PPP2R3A: variants seen among roughly 807,000 people sequenced by gnomAD.
PPP2R3A encodes the protein serine/threonine-protein phosphatase 2A regulatory subunit B'' subunit alpha.
Under a neutral mutation model 106.9 loss-of-function variants are expected in PPP2R3A, and 80 were observed. That is an observed-to-expected ratio of 0.75 (90% CI 0.62 to 0.90). PPP2R3A has a LOEUF of 0.90. Ranked by LOEUF, PPP2R3A falls within the 40% of genes least tolerant of loss-of-function variation. The pLI, the probability that PPP2R3A is intolerant of heterozygous loss-of-function variation, is 0.00. For synonymous variants in PPP2R3A, 483 were observed against 468.3 expected, an observed-to-expected ratio of 1.03 and a Z score of -0.41; for missense variants, 1,386 against 1,350.4, an observed-to-expected ratio of 1.03 and a Z score of -0.41.
intron 10 of PPP2R3A, among the ~76,000 whole-genome samples, chr3:136,093,211 C>T (rs1937135082): frequency 6.6e-6 from 1 of 152,160 alleles, no homozygotes; most frequent in Non-Finnish European, 1.5e-5. Flanking sequence ...GAATTCAATA[C>T]CAGCCTGGGC....
At chr3:136,067,686 A>T (rs1936302139) in intron 5 of PPP2R3A, among the ~76,000 whole-genome samples, 1 of 152,230 alleles carries the variant, frequency 6.6e-6, no homozygotes, top group African/African-American at 2.4e-5. Flanking sequence ...GCTGAACAAT[A>T]TATGGAATCA....
intron 13 of PPP2R3A, among the ~76,000 whole-genome samples, chr3:136,115,479 T>C (rs746711428): frequency 2.0e-4 from 31 of 151,896 alleles, no homozygotes; most frequent in Admixed American, 7.9e-4. Flanking sequence ...TCTAACCCAA[T>C]GCAAGGAAGC....
chr3:136,065,543 G>T (rs777814816), intron 5 of PPP2R3A, among the ~76,000 whole-genome samples: 7 of 152,074 alleles, frequency 4.6e-5, no homozygotes, highest in Non-Finnish European at 1.0e-4. Flanking sequence ...TCCCAGTAAT[G>T]ATCAGAAATT....
chr3:135,998,950 T>C (rs1398631843), intron 1 of PPP2R3A, among the ~76,000 whole-genome samples: 1 of 152,210 alleles, frequency 6.6e-6, no homozygotes, highest in Non-Finnish European at 1.5e-5. Context: ...TGCTTGTGAA[T>C]ATTGTCCAGC....
At chr3:136,057,552 T>C (rs575491683) in intron 5 of PPP2R3A, among the ~76,000 whole-genome samples, 1 of 152,140 alleles carries the variant, frequency 6.6e-6, no homozygotes, top group Non-Finnish European at 1.5e-5. Flanking sequence ...AATATAAATG[T>C]ATTTATTACC....
intron 13 of PPP2R3A, among the ~76,000 whole-genome samples, chr3:136,140,929 A>T (rs1938847472): frequency 6.6e-6 from 1 of 152,188 alleles, no homozygotes; most frequent in Admixed American, 6.5e-5. Context: ...TGAATGAATG[A>T]TCATGAATGA....
At chr3:136,087,836 A>C in intron 8 of PPP2R3A, 47 bp from the exon 9 acceptor site, 1 of 1,473,256 alleles carries the variant, frequency 6.8e-7, no homozygotes, top group African/African-American at 1.4e-5. Flanking sequence ...GCCTTTATGG[A>C]GCATGTTTCT....
At chr3:136,016,663 A>G (rs1321730817) in intron 2 of PPP2R3A, among the ~76,000 whole-genome samples, 1 of 152,000 alleles carries the variant, frequency 6.6e-6, no homozygotes, top group African/African-American at 2.4e-5. Flanking sequence ...ATTTGCATGG[A>G]TTATCTTTTT....
At chr3:136,093,705 C>A (rs1293478307) in intron 10 of PPP2R3A, among the ~76,000 whole-genome samples, 2 of 152,118 alleles carry the variant, frequency 1.3e-5, no homozygotes, top group Non-Finnish European at 2.9e-5. Flanking sequence ...CAATGAGATA[C>A]CACTTCACAC....
At chr3:136,063,098 G>A (rs7628848) in intron 5 of PPP2R3A, among the ~76,000 whole-genome samples, 31,419 of 152,084 alleles carry the variant, frequency 0.21, 3,554 homozygotes, top group Non-Finnish European at 0.24. Flanking sequence ...ATAGAACAGA[G>A]CCCTCAGAAA....
At chr3:136,080,593 A>G (rs1936751943) in intron 7 of PPP2R3A, among the ~76,000 whole-genome samples, 1 of 152,240 alleles carries the variant, frequency 6.6e-6, no homozygotes, top group African/African-American at 2.4e-5. Context: ...ATCAAAGGAC[A>G]TTTTATAAAA....
intron 13 of PPP2R3A, among the ~76,000 whole-genome samples, chr3:136,109,479 T>G (rs1359400017): frequency 6.6e-6 from 1 of 152,196 alleles, no homozygotes; most frequent in Non-Finnish European, 1.5e-5. Flanking sequence ...AAAACTGTCT[T>G]GATAACATCA....
In PPP2R3A at chr3:136,146,536, T is replaced by C. The variant is rs1436053354; in HGVS notation, c.*1370T>C. The C allele has an allele frequency of 6.6e-6, 1 of 152,146 alleles. No individual in the cohort carries two copies. Among genetic ancestry groups the C allele is most frequent in the African/African-American group, 2.4e-5 (1 of 41,426 alleles). 9.4% of individuals were successfully genotyped at this position (152,146 alleles called of 1,614,324 possible). A position where few individuals can be genotyped will look rare whatever the true frequency, so the allele number is the denominator to read the frequency against. On this transcript the variant is annotated 3_prime_UTR_variant, in exon 14 of 14. Coordinates refer to ENST00000264977, the MANE Select transcript of PPP2R3A (RefSeq NM_002718.5). ...AAAAGGAGAATTTAGGAAATAAATA[T>C]GCTATAAACAAGGTACAGTACAGTG...
At chr3:136,129,343 C>A (rs376725021) in intron 13 of PPP2R3A, among the ~76,000 whole-genome samples, 12 of 151,914 alleles carry the variant, frequency 7.9e-5, no homozygotes, top group Non-Finnish European at 1.3e-4. Flanking sequence ...ATATCACCAC[C>A]GATCCCACAG....
intron 1 of PPP2R3A, among the ~76,000 whole-genome samples, chr3:135,992,021 A>T (rs1288281871): frequency 6.6e-6 from 1 of 152,170 alleles, no homozygotes; most frequent in Non-Finnish European, 1.5e-5. Flanking sequence ...TCTATAAGAG[A>T]TGTTGTATTT....
At chr3:136,127,816 T>C (rs372086170) in intron 13 of PPP2R3A, among the ~76,000 whole-genome samples, 6 of 152,238 alleles carry the variant, frequency 3.9e-5, no homozygotes, top group Admixed American at 2.0e-4. Context: ...GCAGATCTCT[T>C]GGCAGAAACA....
At chr3:136,077,894 C>T (rs572805691) in intron 6 of PPP2R3A, among the ~76,000 whole-genome samples, 4 of 152,084 alleles carry the variant, frequency 2.6e-5, no homozygotes, top group East Asian at 1.9e-4. Flanking sequence ...TCTAGAAGAC[C>T]GAGAGTCTTC....
At chr3:136,056,383 G>T (rs1212980021) in intron 5 of PPP2R3A, among the ~76,000 whole-genome samples, 1 of 152,114 alleles carries the variant, frequency 6.6e-6, no homozygotes. Context: ...GGACCATATA[G>T]TAAGTGTAAG....
chr3:136,092,145 A>G (rs1393051617), intron 10 of PPP2R3A, among the ~76,000 whole-genome samples: 1 of 152,186 alleles, frequency 6.6e-6, no homozygotes, highest in Non-Finnish European at 1.5e-5. Context: ...CCTGGCCAAC[A>G]TGATGAAACC....
Sources: allele counts gnomAD v4.1 joint callset (sites outside exome capture counted in the v4.1 genomes callset), GRCh38; gene constraint gnomAD v4.1.1; transcripts MANE v1.5; gene names NCBI Gene and HGNC (gene_info 2026-07-23, HGNC 2026-07-21).